The following PSME3 variants were observed in gnomAD, a reference collection of about 807,000 sequenced individuals.
The protein encoded by PSME3 is proteasome activator subunit 3.
A neutral mutation model predicts 38.3 loss-of-function variants in PSME3; 7 were observed. That is an observed-to-expected ratio of 0.18 (90% confidence interval 0.10 to 0.34). PSME3 has a LOEUF of 0.34. PSME3 is among the 10% of genes least tolerant of loss of function. The pLI, the probability that PSME3 is intolerant of heterozygous loss-of-function variation, is 1.00. For missense variants in PSME3, 192 were observed against 307.6 expected, an observed-to-expected ratio of 0.62 and a Z score of 2.81; for synonymous variants, 108 against 105.7, an observed-to-expected ratio of 1.02 and a Z score of -0.13.
At chr17:42,834,412 A>G (rs760827395) in intron 2 of PSME3, 36 bp downstream of exon 2, 2 of 1,612,206 alleles carry the variant, frequency 1.2e-6, no homozygotes, top group African/African-American at 1.3e-5. Context: ...TTGTTGGTTG[A>G]GAATTTCCCA....
intron 1 of PSME3, chr17:42,833,950 A>C (rs2055430485): frequency 4.9e-6 from 7 of 1,439,782 alleles, no homozygotes; most frequent in Non-Finnish European, 6.3e-6. Context: ...GTAATCCCCC[A>C]GCCCAACAAC....
Position 42,833,811 on chromosome 17 carries a change from C to T in PSME3, c.42+138C>T. The T allele has an allele frequency of 1.3e-6, 2 of 1,575,522 alleles. 1 individual carries two copies. Among genetic ancestry groups the T allele is most frequent in the Non-Finnish European group, 1.7e-6 (2 of 1,161,056 alleles). On this transcript the variant is annotated intron_variant, in intron 1 of 10. Coordinates refer to ENST00000590720, the MANE Select transcript of PSME3 (RefSeq NM_005789.4). ...CCGCTCGGCTCAGCCCAGCCCCCAA[C>T]TCCCGGGGTCGGCTTCGCGGGAGAG... is the stretch of plus-strand genomic sequence containing the variant.
At chr17:42,836,595 T>C (rs1444668087) in intron 4 of PSME3, among the ~76,000 whole-genome samples, 1 of 152,190 alleles carries the variant, frequency 6.6e-6, no homozygotes, top group Non-Finnish European at 1.5e-5. Flanking sequence ...AGTCTCACTC[T>C]GTCACCCAGG....
At chr17:42,837,806 C>T in intron 5 of PSME3, 109 bp downstream of exon 5, 3 of 1,307,554 alleles carry the variant, frequency 2.3e-6, no homozygotes, top group South Asian at 1.2e-5. Flanking sequence ...TCTAATCTTA[C>T]TTCCCAGAGG....
rs2055536116 is a variant in PSME3, at chr17:42,841,695, G to A, written c.*117G>A. On this transcript the variant is annotated 3_prime_UTR_variant, in exon 11 of 11. Transcript: ENST00000590720. ...CTGGAAATAGTAATCACACCTCTCT[G>A]TTTTTAGTTAGAGTCTAATGAAACT... The A allele has an allele frequency of 9.7e-6, 6 of 617,430 alleles. No homozygotes were observed. The highest frequency in any genetic ancestry group is 1.9e-5 in the African/African-American group (1 of 52,906). 38.2% of individuals were successfully genotyped at this position (617,430 alleles called of 1,614,324 possible).
In PSME3 at chr17:42,842,596, G is replaced by A. The variant is rs1358850183; in HGVS notation, c.*1018G>A. ...GCTGCTCATGTTGGGCTTTCCTTTT[G>A]GGAACTATTTCTCTTTATTTATAGT... On this transcript the variant is annotated 3_prime_UTR_variant, in exon 11 of 11. Coordinates refer to ENST00000590720, the MANE Select transcript of PSME3 (RefSeq NM_005789.4). 6.5e-6 allele frequency: 1 copy of A among 152,816 alleles called. No individual in the cohort carries two copies. Among genetic ancestry groups the A allele is most frequent in the Non-Finnish European group, 1.5e-5 (1 of 68,046 alleles). 9.5% of individuals were successfully genotyped at this position (152,816 alleles called of 1,614,324 possible).
intron 5 of PSME3, 129 bp downstream of exon 5, chr17:42,837,826 C>A (rs944327045): frequency 5.3e-6 from 6 of 1,125,176 alleles, no homozygotes; most frequent in South Asian, 1.3e-5. Context: ...GTAGCATTCC[C>A]AGCTCCTCCA....
intron 4 of PSME3, among the ~76,000 whole-genome samples, 187 bp downstream of exon 4, chr17:42,835,063 G>A (rs535532962): frequency 6.6e-6 from 1 of 152,074 alleles, no homozygotes; most frequent in African/African-American, 2.4e-5. Context: ...TTGAGAAAGG[G>A]TGTCACTTTT....
At chr17:42,834,206 AT>A in intron 1 of PSME3, 137 bp from the exon 2 acceptor site, 1 of 1,549,006 alleles carries the variant, frequency 6.5e-7, no homozygotes, top group Non-Finnish European at 8.7e-7. Flanking sequence ...CCTCAAAAAA[AT>A]AAAGTATTTG....
At position 42,842,999 on chromosome 17, in the gene PSME3, A is replaced by G. The variant is rs2055553509; in HGVS notation, c.*1421A>G. The G allele has an allele frequency of 1.3e-5, 2 of 152,790 alleles. No homozygotes were observed. Among genetic ancestry groups the G allele is most frequent in the East Asian group, 1.9e-4 (1 of 5,312 alleles). 9.5% of individuals were successfully genotyped at this position (152,790 alleles called of 1,614,324 possible). A position where few individuals can be genotyped will look rare whatever the true frequency, so the allele number is the denominator to read the frequency against. ...GAGGGAGTCAGGATGCTGTCTTCCC[A>G]CGAATAGTACTCAGTAACAAACCAA... On this transcript the variant is annotated 3_prime_UTR_variant, in exon 11 of 11. Coordinates refer to ENST00000590720, the MANE Select transcript of PSME3 (RefSeq NM_005789.4).
At chr17:42,839,081 T>G in intron 8 of PSME3, 31 bp from the exon 9 acceptor site, 1 of 1,591,080 alleles carries the variant, frequency 6.3e-7, no homozygotes, top group Non-Finnish European at 8.6e-7. Context: ...AAGGGTCTCC[T>G]GCATCTTCCT....
At chr17:42,837,736 C>T (rs1229723042) in intron 5 of PSME3, 39 bp downstream of exon 5, 2 of 1,596,426 alleles carry the variant, frequency 1.3e-6, no homozygotes, top group Admixed American at 3.3e-5. Context: ...TCACCCCATC[C>T]CTGACTTGCA....
chr17:42,834,870 G>C lies in PSME3; in HGVS notation c.237G>C (p.Leu79=). Residue 79 remains leucine (L), a synonymous_variant, in exon 4 of 11, where the codon CTG becomes CTC. Coordinates refer to ENST00000590720, the MANE Select transcript of PSME3 (RefSeq NM_005789.4). ...TTCTCACCAATAGCCATGATGGACT[G>C]GATGGTGTAAGTGTCCTATATTTAT... ...PILLTNSHDG[L]DGPTYKKRRL... 1 of 1,613,840 alleles carries C rather than the reference G, an allele frequency of 6.2e-7. No individual in the cohort carries two copies. Among genetic ancestry groups the C allele is most frequent in the Non-Finnish European group, 8.5e-7 (1 of 1,179,888 alleles).
rs1042953280 is a variant in PSME3, at chr17:42,838,119, G to A, written c.319G>A (p.Gly107Arg). 6.2e-7 allele frequency: 1 copy of A among 1,614,126 alleles called. No homozygotes were observed. The highest frequency in any genetic ancestry group is 8.5e-7 in the Non-Finnish European group (1 of 1,180,012). Reference sequence around the variant, plus strand: ...AACCAAGGTGTTTGTGATGCCCAATGGGATGCTGAAAAGCAACCAGCAGCT... The same window carrying A: ...AACCAAGGTGTTTGTGATGCCCAATAGGATGCTGAAAAGCAACCAGCAGCT... Reference protein sequence around the residue: ...QGTKVFVMPNGMLKSNQQLVD... With the variant: ...QGTKVFVMPNRMLKSNQQLVD... The change falls in exon 6 of 11, where the codon GGG becomes AGG. Residue 107 changes from glycine (G) to arginine (R), a missense_variant. Gly to Arg is a moderately radical substitution (Grantham distance 125). Coordinates refer to ENST00000590720, the MANE Select transcript of PSME3 (RefSeq NM_005789.4).
Position 42,841,745 on chromosome 17 carries a change from A to G in PSME3, c.*167A>G. On this transcript the variant is annotated 3_prime_UTR_variant, in exon 11 of 11. Transcript: ENST00000590720. ...TCTCATCTAGTTCTGTGATGTGTTT[A>G]CCTCTTTTTTCAGGCCTCAGGAACT... 2.1e-6 allele frequency: 1 copy of G among 485,018 alleles called. No individual in the cohort carries two copies. The highest frequency in any genetic ancestry group is 3.6e-6 in the Non-Finnish European group (1 of 277,716). 30.0% of individuals were successfully genotyped at this position (485,018 alleles called of 1,614,324 possible).
intron 1 of PSME3, 107 bp downstream of exon 1, chr17:42,833,780 G>C: frequency 6.2e-7 from 1 of 1,605,774 alleles, no homozygotes; most frequent in Middle Eastern, 1.7e-4. Flanking sequence ...TACCAGCTCT[G>C]AGCTTCCGCT....
rs759534935 is a variant in PSME3 at position 42,834,586 on chromosome 17, C to T, written c.138+9C>T. The T allele has an allele frequency of 3.1e-6, 5 of 1,613,252 alleles. No individual in the cohort carries two copies. Among genetic ancestry groups the T allele is most frequent in the South Asian group, 2.2e-5 (2 of 91,054 alleles). ...TTGATAGTTTTCTGAAGGTGAGAGA[C>T]CCTATTCTTTCCTCAAATTCCCCAA... On this transcript the variant is annotated intron_variant, in intron 3 of 10. Coordinates refer to ENST00000590720, the MANE Select transcript of PSME3 (RefSeq NM_005789.4).
At chr17:42,838,355 T>G (rs2055489415) in intron 6 of PSME3, 150 bp downstream of exon 6, 2 of 1,375,520 alleles carry the variant, frequency 1.5e-6, no homozygotes, top group Non-Finnish European at 1.9e-6. Context: ...TCACCCAGGT[T>G]GGAGTGCAGT....
chr17:42,836,171 A>AT (rs1440443538), intron 4 of PSME3, among the ~76,000 whole-genome samples: 3 of 151,504 alleles, frequency 2.0e-5, no homozygotes, highest in Non-Finnish European at 2.9e-5. Context: ...CGCCCAGCCA[A>AT]TTTTTTTATT....
Sources: allele counts gnomAD v4.1 joint callset (sites outside exome capture counted in the v4.1 genomes callset), GRCh38; gene constraint gnomAD v4.1.1; transcripts MANE v1.5; gene names NCBI Gene and HGNC (gene_info 2026-07-23, HGNC 2026-07-21).